The following RBMS3 variants were observed in gnomAD, a reference collection of about 807,000 sequenced individuals.
The protein encoded by RBMS3 is RNA-binding motif, single-stranded-interacting protein 3.
RBMS3 carries 27 observed loss-of-function variants against 66.8 expected under a neutral mutation model. The observed-to-expected ratio is 0.40, with a 90% CI of 0.30 to 0.56. The LOEUF is 0.56. Among genes scored for constraint, RBMS3 ranks in the 20% least tolerant of loss-of-function variants. The probability of loss-of-function intolerance (pLI) is 0.40; values close to 1 mark genes in which losing one functional copy is unlikely to be tolerated. For missense variants in RBMS3, 513 were observed against 549.5 expected (o/e 0.93, Z 0.66); for synonymous variants, 188 against 183.0 (o/e 1.03, Z -0.22).
intron 5 of RBMS3, among the ~76,000 whole-genome samples, chr3:29,746,887 T>C (rs944507791): frequency 6.6e-6 from 1 of 152,204 alleles, no homozygotes; most frequent in Admixed American, 6.5e-5. Context: ...ACATACGAAA[T>C]AATGCCCTCT....
intron 4 of RBMS3, among the ~76,000 whole-genome samples, chr3:29,610,898 G>A (rs2048470747): frequency 6.6e-6 from 1 of 151,830 alleles, no homozygotes; most frequent in Non-Finnish European, 1.5e-5. Flanking sequence ...TTCTACCACA[G>A]ATCCCTGACC....
chr3:29,495,042 CA>C (rs2148925325), intron 3 of RBMS3, among the ~76,000 whole-genome samples: 1 of 147,920 alleles, frequency 6.8e-6, no homozygotes, highest in South Asian at 2.1e-4. Context: ...CCCTTAAAAT[CA>C]AAATTGGAGA....
intron 10 of RBMS3, among the ~76,000 whole-genome samples, chr3:29,908,151 TGAGGTGG>T (rs2060428924): frequency 6.6e-6 from 1 of 151,918 alleles, no homozygotes; most frequent in Admixed American, 6.6e-5. Flanking sequence ...CTTGGGAAGC[TGAGGTGG>T]GAGGATTGTT....
intron 14 of RBMS3, among the ~76,000 whole-genome samples, chr3:29,996,686 T>G (rs1308700301): frequency 1.3e-5 from 2 of 151,810 alleles, no homozygotes; most frequent in Non-Finnish European, 2.9e-5. Context: ...CATAACGAAA[T>G]GAAGGCAGAA....
intron 10 of RBMS3, among the ~76,000 whole-genome samples, chr3:29,906,275 G>C (rs2060376532): frequency 1.3e-5 from 2 of 151,998 alleles, no homozygotes; most frequent in African/African-American, 4.8e-5. Flanking sequence ...AGTCTATATA[G>C]CTCACAATTC....
intron 1 of RBMS3, among the ~76,000 whole-genome samples, chr3:29,404,380 A>G (rs373510620): frequency 6.6e-6 from 1 of 152,068 alleles, no homozygotes; most frequent in East Asian, 1.9e-4. Context: ...CTGAAATCCA[A>G]TGATTCTGTT....
intron 3 of RBMS3, among the ~76,000 whole-genome samples, chr3:29,571,301 C>T (rs2046944769): frequency 6.6e-6 from 1 of 152,028 alleles, no homozygotes; most frequent in South Asian, 2.1e-4. Flanking sequence ...ATTGTTTTCC[C>T]TCACTGTGCA....
intron 3 of RBMS3, among the ~76,000 whole-genome samples, chr3:29,560,759 G>A (rs1324860242): frequency 2.6e-5 from 4 of 152,164 alleles, no homozygotes; most frequent in Non-Finnish European, 2.9e-5. Context: ...ACTTTTAAGT[G>A]CAGGAATACA....
chr3:29,709,798 C>T (rs2053079041), intron 4 of RBMS3, among the ~76,000 whole-genome samples: 1 of 152,040 alleles, frequency 6.6e-6, no homozygotes, highest in African/African-American at 2.4e-5. Context: ...TTGAAAAAGT[C>T]TATATTTATA....
intron 6 of RBMS3, among the ~76,000 whole-genome samples, chr3:29,847,045 A>T (rs1293539288): frequency 5.3e-5 from 8 of 152,354 alleles, no homozygotes; most frequent in East Asian, 1.9e-4. Flanking sequence ...GATACACGAT[A>T]ACAAGGTAAT....
intron 1 of RBMS3, among the ~76,000 whole-genome samples, chr3:29,368,981 A>G (rs989274932): frequency 5.3e-5 from 8 of 152,166 alleles, no homozygotes; most frequent in Non-Finnish European, 7.4e-5. Context: ...CTGTGCAGGC[A>G]TAAAAAAAGA....
chr3:29,313,278 G>A (rs1478089958), intron 1 of RBMS3, among the ~76,000 whole-genome samples: 2 of 151,672 alleles, frequency 1.3e-5, no homozygotes, highest in Non-Finnish European at 2.9e-5. Context: ...GAAAGAGGTA[G>A]GAAACATGTA....
intron 1 of RBMS3, among the ~76,000 whole-genome samples, chr3:29,397,076 G>A (rs574433697): frequency 3.9e-5 from 6 of 152,186 alleles, no homozygotes; most frequent in Middle Eastern, 3.4e-3. Flanking sequence ...TCTGTGCCTC[G>A]TATGTGTTAG....
At chr3:29,348,060 C>T (rs1182208392) in intron 1 of RBMS3, among the ~76,000 whole-genome samples, 10 of 150,866 alleles carry the variant, frequency 6.6e-5, no homozygotes, top group South Asian at 2.1e-4. Context: ...TTTTTTCCAT[C>T]GTTTTCCTCT....
intron 3 of RBMS3, among the ~76,000 whole-genome samples, chr3:29,504,996 C>T (rs569481579): frequency 3.8e-4 from 58 of 152,108 alleles, no homozygotes; most frequent in African/African-American, 1.2e-3. Flanking sequence ...TACTTCCTCC[C>T]GTATCAGACA....
At chr3:29,731,715 G>A (rs2054145066) in intron 4 of RBMS3, among the ~76,000 whole-genome samples, 1 of 152,122 alleles carries the variant, frequency 6.6e-6, no homozygotes, top group Non-Finnish European at 1.5e-5. Flanking sequence ...CTGATCGTAT[G>A]TCCTCATTTC....
At chr3:29,469,951 TTAAA>T (rs1370317634) in intron 2 of RBMS3, among the ~76,000 whole-genome samples, 1 of 147,904 alleles carries the variant, frequency 6.8e-6, no homozygotes, top group Non-Finnish European at 1.5e-5. Flanking sequence ...ACATACATAT[TTAAA>T]TAATTTATAT....
intron 3 of RBMS3, among the ~76,000 whole-genome samples, chr3:29,533,794 A>G (rs2045453492): frequency 6.6e-6 from 1 of 151,966 alleles, no homozygotes; most frequent in Non-Finnish European, 1.5e-5. Flanking sequence ...ATAAATAAAT[A>G]AAGCCCCCTT....
chr3:29,800,141 GA>G (rs1390980749), intron 6 of RBMS3, among the ~76,000 whole-genome samples: 2 of 152,126 alleles, frequency 1.3e-5, no homozygotes, highest in East Asian at 1.9e-4. Flanking sequence ...ACAGTGCAGG[GA>G]AAAATATTCA....
Sources: allele counts gnomAD v4.1 joint callset (sites outside exome capture counted in the v4.1 genomes callset), GRCh38; gene constraint gnomAD v4.1.1; transcripts MANE v1.5; gene names NCBI Gene and HGNC (gene_info 2026-07-23, HGNC 2026-07-21).